The following COL10A1 variants were observed in gnomAD, a reference collection of about 807,000 sequenced individuals.
COL10A1 encodes collagen alpha-1(X) chain.
Under a neutral mutation model 18.2 loss-of-function variants are expected in COL10A1, and 10 were observed. The observed-to-expected ratio is 0.55, with a 90% CI of 0.34 to 0.93. COL10A1 has a LOEUF of 0.93. Among genes scored for constraint, COL10A1 ranks in the 40% least tolerant of loss-of-function variants. COL10A1 has a pLI of 0.02. For missense variants in COL10A1, 897 were observed against 853.5 expected (o/e 1.05, Z -0.64); for synonymous variants, 330 against 316.6 (o/e 1.04, Z -0.45).
chr6:116,125,302 A>G, intron 2 of COL10A1, 37 bp downstream of exon 2: 1 of 1,599,694 alleles, frequency 6.3e-7, no homozygotes, highest in Non-Finnish European at 8.5e-7. Context: ...AGCAACAAGC[A>G]ACTTGTTAAT....
chr6:116,174,337 C>T, the COL10A1 span, among the ~76,000 whole-genome samples: 1 of 152,124 alleles, frequency 6.6e-6, no homozygotes, highest in Admixed American at 6.5e-5. Context: ...ATTTGGAAAT[C>T]TTCCGTAAGA....
At chr6:116,193,891 C>CA in the COL10A1 span, among the ~76,000 whole-genome samples, 1 of 151,656 alleles carries the variant, frequency 6.6e-6, no homozygotes, top group Non-Finnish European at 1.5e-5. Flanking sequence ...GGCAGCATGG[C>CA]AAAAAATACA....
At chr6:116,123,237 G>A (rs779535330) in intron 2 of COL10A1, among the ~76,000 whole-genome samples, 23 of 152,120 alleles carry the variant, frequency 1.5e-4, no homozygotes, top group Non-Finnish European at 2.8e-4. Flanking sequence ...TGCATTGGGC[G>A]TCATCCGAGA....
At chr6:116,197,523 G>GGTTTGTTTAAGTTTAAGAACAAAC in the COL10A1 span, among the ~76,000 whole-genome samples, 1 of 151,968 alleles carries the variant, frequency 6.6e-6, no homozygotes, top group African/African-American at 2.4e-5. Flanking sequence ...AAACAGCCAG[G>GGTTTGTTTAAGTTTAAGAACAAAC]TACAGCGGTT....
chr6:116,122,281 A>G (rs971840827), intron 2 of COL10A1, among the ~76,000 whole-genome samples: 2 of 152,200 alleles, frequency 1.3e-5, no homozygotes, highest in African/African-American at 4.8e-5. Context: ...ATTTTGGGAA[A>G]ATCATGTACA....
chr6:116,137,875 T>TTCGAGACCAG (rs1323019886), intron 1 of COL10A1, among the ~76,000 whole-genome samples: 5 of 151,920 alleles, frequency 3.3e-5, no homozygotes, highest in Non-Finnish European at 7.4e-5. Flanking sequence ...AGGTCAAGAG[T>TTCGAGACCAG]TCGAGACCAG....
chr6:116,137,699 A>G (rs1000623570), intron 1 of COL10A1: 1 of 158,570 alleles, frequency 6.3e-6, no homozygotes, highest in Non-Finnish European at 1.4e-5. Flanking sequence ...TACTGAACCA[A>G]GATATCTTTT....
At chr6:116,195,787 A>G in the COL10A1 span, among the ~76,000 whole-genome samples, 21 of 152,068 alleles carry the variant, frequency 1.4e-4, no homozygotes, top group Non-Finnish European at 2.9e-5. Context: ...AAGCAAATTT[A>G]ATGTGCACAG....
At chr6:116,200,939 T>C in the COL10A1 span, among the ~76,000 whole-genome samples, 9 of 152,180 alleles carry the variant, frequency 5.9e-5, no homozygotes, top group Middle Eastern at 3.4e-3. Context: ...CAGTGCTTTT[T>C]TCTAACCAAG....
chr6:116,161,196 TG>T (rs1780321047), upstream of COL10A1, among the ~76,000 whole-genome samples: 1 of 64,350 alleles, frequency 1.6e-5, no homozygotes, highest in Non-Finnish European at 2.8e-5. Context: ...TGTTGTGGGG[TG>T]GGGGGAGGGG....
intron 1 of COL10A1, among the ~76,000 whole-genome samples, chr6:116,146,895 A>C (rs1182923869): frequency 6.6e-6 from 1 of 151,682 alleles, no homozygotes; most frequent in East Asian, 1.9e-4. Context: ...CCTAATACCT[A>C]AATAAATTCC....
the COL10A1 span, among the ~76,000 whole-genome samples, chr6:116,167,206 ATT>A: frequency 8.2e-3 from 724 of 87,822 alleles, 4 homozygotes; most frequent in African/African-American, 0.029. Context: ...CAAATAGAAG[ATT>A]TTTTTTTTTT....
upstream of COL10A1, among the ~76,000 whole-genome samples, chr6:116,162,390 A>G (rs1362403574): frequency 6.6e-6 from 1 of 152,120 alleles, no homozygotes; most frequent in African/African-American, 2.4e-5. Context: ...TTTTCCCTGT[A>G]AGTATGATGT....
chr6:116,160,452 T>C (rs1225987134), upstream of COL10A1, among the ~76,000 whole-genome samples: 3 of 152,214 alleles, frequency 2.0e-5, no homozygotes, highest in Admixed American at 2.0e-4. Flanking sequence ...TTGTCTACTT[T>C]TTAATGGAAT....
At chr6:116,180,395 G>A in the COL10A1 span, among the ~76,000 whole-genome samples, 1 of 151,950 alleles carries the variant, frequency 6.6e-6, no homozygotes, top group Non-Finnish European at 1.5e-5. Context: ...AATGAAAATG[G>A]AATGATAGAA....
the COL10A1 span, among the ~76,000 whole-genome samples, chr6:116,164,554 T>C: frequency 1.3e-5 from 2 of 152,232 alleles, no homozygotes; most frequent in Non-Finnish European, 2.9e-5. Flanking sequence ...CTAATCTATC[T>C]CTTTCAAGTA....
chr6:116,147,768 C>T (rs1388763179), intron 1 of COL10A1, among the ~76,000 whole-genome samples: 1 of 152,092 alleles, frequency 6.6e-6, no homozygotes, highest in African/African-American at 2.4e-5. Flanking sequence ...TGCATGTGTG[C>T]AAATGATGTA....
At chr6:116,145,228 A>G (rs999698273) in intron 1 of COL10A1, among the ~76,000 whole-genome samples, 1 of 152,160 alleles carries the variant, frequency 6.6e-6, no homozygotes, top group African/African-American at 2.4e-5. Context: ...GCTAACTATT[A>G]AATGTCCCCA....
Position 116,120,753 on chromosome 6 carries a change from C to T in COL10A1, c.1363G>A (p.Gly455Arg). ...PGIPGTRGPI[G>R]PPGIPGFPGS... ...GGGAATCCTGGAATGCCTGGTGGCCCAATAGGGCCTCTAGTACCTGGTATT... is the reference window on the plus strand; with the variant it reads ...GGGAATCCTGGAATGCCTGGTGGCCTAATAGGGCCTCTAGTACCTGGTATT... The change falls in exon 3 of 3, where the codon GGG (glycine) becomes AGG (arginine). Residue 455 changes from glycine to arginine, a missense_variant. Gly to Arg is a moderately radical substitution (Grantham distance 125). Coordinates refer to ENST00000651968, the MANE Select transcript of COL10A1 (RefSeq NM_000493.4). The T allele has an allele frequency of 1.2e-6, 2 of 1,606,910 alleles. No individual in the cohort carries two copies. The highest frequency in any genetic ancestry group is 1.7e-6 in the Non-Finnish European group (2 of 1,177,256).
Sources: allele counts gnomAD v4.1 joint callset (sites outside exome capture counted in the v4.1 genomes callset), GRCh38; gene constraint gnomAD v4.1.1; transcripts MANE v1.5; gene names NCBI Gene and HGNC (gene_info 2026-07-23, HGNC 2026-07-21).